PSME3IP1: variants seen among roughly 807,000 people sequenced by gnomAD.
PSME3IP1 encodes the protein proteasome activator subunit 3 interacting protein 1.
In PSME3IP1, 13 loss-of-function variants were observed where a neutral mutation model predicts 34.1. The observed-to-expected ratio is 0.38, with a 90% CI of 0.25 to 0.61. The LOEUF (loss-of-function observed/expected upper bound fraction) is 0.61. Ranked by LOEUF, PSME3IP1 falls within the 20% of genes least tolerant of loss-of-function variation. The probability of loss-of-function intolerance (pLI) is 0.60; values close to 1 mark genes in which losing one functional copy is unlikely to be tolerated. For synonymous variants in PSME3IP1, 93 were observed against 114.3 expected (o/e 0.81, Z 1.19); for missense variants, 237 against 301.4 (o/e 0.79, Z 1.58).
intron 1 of PSME3IP1, 29 bp from the exon 2 acceptor site, chr16:57,173,898 ATCATT>A: frequency 6.2e-7 from 1 of 1,601,134 alleles, no homozygotes; most frequent in Non-Finnish European, 8.5e-7. Context: ...AACAAAAAAA[ATCATT>A]TCAAGTGAGA....
intron 6 of PSME3IP1, among the ~76,000 whole-genome samples, chr16:57,156,297 T>G (rs547426457): frequency 6.6e-6 from 1 of 152,326 alleles, no homozygotes; most frequent in South Asian, 2.1e-4. Context: ...AGTTCATACT[T>G]TGTTGCCACA....
At chr16:57,180,949 G>A (rs1157339216) in intron 1 of PSME3IP1, among the ~76,000 whole-genome samples, 1 of 152,038 alleles carries the variant, frequency 6.6e-6, no homozygotes, top group Non-Finnish European at 1.5e-5. Flanking sequence ...GCTGAAGTGG[G>A]AGGAAGGCTT....
At chr16:57,180,734 A>C (rs1424102704) in intron 1 of PSME3IP1, among the ~76,000 whole-genome samples, 1 of 152,064 alleles carries the variant, frequency 6.6e-6, no homozygotes, top group Non-Finnish European at 1.5e-5. Flanking sequence ...TGAGACCCCA[A>C]CTCTATTAAA....
chr16:57,170,991 T>C (rs1320476684), intron 4 of PSME3IP1, among the ~76,000 whole-genome samples: 1 of 152,044 alleles, frequency 6.6e-6, no homozygotes, highest in Non-Finnish European at 1.5e-5. Context: ...GAGAATCGCT[T>C]GAACCCGGGA....
At chr16:57,162,525 C>T (rs1228007536) in intron 6 of PSME3IP1, among the ~76,000 whole-genome samples, 4 of 151,110 alleles carry the variant, frequency 2.6e-5, no homozygotes, top group Non-Finnish European at 5.9e-5. Flanking sequence ...ATTAGCTGGG[C>T]GTGGTGGCAC....
At chr16:57,182,612 A>ATTTTTTT (rs550199855) in intron 1 of PSME3IP1, among the ~76,000 whole-genome samples, 1 of 105,258 alleles carries the variant, frequency 9.5e-6, no homozygotes, top group African/African-American at 3.7e-5. Flanking sequence ...GCCAACTAAG[A>ATTTTTTT]TTTTTTTTTT....
chr16:57,154,576 G>A lies in PSME3IP1; in HGVS notation c.548-69C>T. On this transcript the variant is annotated intron_variant, in intron 6 of 6. Coordinates refer to ENST00000309137, the MANE Select transcript of PSME3IP1 (RefSeq NM_024946.4). The surrounding 1 kb of genome is among the most constrained non-coding windows in gnomAD (Gnocchi z 4.0). Reference sequence around the variant, plus strand: ...AAAGTTGGGGACTGACTTACCATGTGCCAGGCACTGTACCAAGGGATTTTC... The same window carrying A: ...AAAGTTGGGGACTGACTTACCATGTACCAGGCACTGTACCAAGGGATTTTC... 2.2e-6 allele frequency: 3 copies of A among 1,336,912 alleles called. No individual in the cohort carries two copies. Among genetic ancestry groups the A allele is most frequent in the Non-Finnish European group, 3.1e-6 (3 of 977,732 alleles). The allele number at this position is 1,336,912 out of a possible 1,614,324, so 82.8% of individuals were successfully genotyped here. A position where few individuals can be genotyped will look rare whatever the true frequency, so the allele number is the denominator to read the frequency against.
At chr16:57,179,037 G>A (rs1216495999) in intron 1 of PSME3IP1, among the ~76,000 whole-genome samples, 1 of 152,186 alleles carries the variant, frequency 6.6e-6, no homozygotes, top group African/African-American at 2.4e-5. Flanking sequence ...ACAGCCCAGG[G>A]ATATCAGGGA....
intron 1 of PSME3IP1, chr16:57,178,538 C>G (rs2073407581): frequency 1.0e-6 from 1 of 985,210 alleles, no homozygotes; most frequent in Non-Finnish European, 1.2e-6. Flanking sequence ...AGAATCTGAG[C>G]AGGGAGGAAT....
Position 57,185,862 on chromosome 16 carries a change from G to C in PSME3IP1, c.-57C>G, listed in dbSNP as rs2074135176. Reference sequence around the variant, plus strand: ...GGCGAGACGACCTCACCTCGGCGGCGCCCACCCCAAACCGCCACCGCAGAG... The same window carrying C: ...GGCGAGACGACCTCACCTCGGCGGCCCCCACCCCAAACCGCCACCGCAGAG... On this transcript the variant is annotated 5_prime_UTR_variant, in exon 1 of 7. Transcript: ENST00000309137. 3.1e-6 allele frequency: 3 copies of C among 983,542 alleles called. No homozygotes were observed. Among genetic ancestry groups the C allele is most frequent in the Non-Finnish European group, 3.6e-6 (3 of 829,760 alleles). The allele number at this position is 983,542 out of a possible 1,614,324, so 60.9% of individuals were successfully genotyped here.
intron 4 of PSME3IP1, among the ~76,000 whole-genome samples, chr16:57,170,225 G>A (rs1242024949): frequency 2.6e-5 from 4 of 152,068 alleles, no homozygotes; most frequent in Non-Finnish European, 5.9e-5. Flanking sequence ...TGGGACTACA[G>A]GCACAAGCCA....
chr16:57,180,677 C>T (rs1341647199), intron 1 of PSME3IP1, among the ~76,000 whole-genome samples: 2 of 151,772 alleles, frequency 1.3e-5, no homozygotes, highest in Admixed American at 6.6e-5. Flanking sequence ...GAGGCCAAGG[C>T]AGGATTGTTT....
At chr16:57,177,962 C>G (rs1293708670) in intron 1 of PSME3IP1, among the ~76,000 whole-genome samples, 5 of 152,150 alleles carry the variant, frequency 3.3e-5, no homozygotes, top group African/African-American at 9.7e-5. Flanking sequence ...GCGCTCTAGC[C>G]TGGGCAACAG....
chr16:57,175,238 C>T (rs1333536021), intron 1 of PSME3IP1, among the ~76,000 whole-genome samples: 1 of 152,180 alleles, frequency 6.6e-6, no homozygotes, highest in Non-Finnish European at 1.5e-5. Context: ...TTGTCTCGAA[C>T]TCCTGAACTC....
intron 1 of PSME3IP1, chr16:57,178,856 CA>C (rs1271037254): frequency 1.0e-6 from 1 of 972,536 alleles, no homozygotes; most frequent in African/African-American, 1.8e-5. Flanking sequence ...GTTTATTCTG[CA>C]AGAAAGAGGT....
intron 6 of PSME3IP1, among the ~76,000 whole-genome samples, chr16:57,160,163 G>A (rs1043022821): frequency 1.3e-5 from 2 of 152,084 alleles, no homozygotes; most frequent in South Asian, 2.1e-4. Context: ...GGTGGCGGGC[G>A]CCTGTAGTCC....
chr16:57,185,166 G>A (rs1453071472), intron 1 of PSME3IP1, among the ~76,000 whole-genome samples: 1 of 152,156 alleles, frequency 6.6e-6, no homozygotes, highest in Non-Finnish European at 1.5e-5. Flanking sequence ...CTGAGAAACT[G>A]CATTTTAAAA....
At chr16:57,176,309 T>A (rs1211922934) in intron 1 of PSME3IP1, among the ~76,000 whole-genome samples, 5 of 152,236 alleles carry the variant, frequency 3.3e-5, no homozygotes, top group Admixed American at 2.6e-4. Flanking sequence ...GTATTAATCA[T>A]CTGGTTTCTT....
At chr16:57,175,673 A>G (rs2073106561) in intron 1 of PSME3IP1, 1 of 152,178 alleles carries the variant, frequency 6.6e-6, no homozygotes, top group Non-Finnish European at 1.5e-5. Context: ...CAGGTGGTGA[A>G]TGGTAGAGCT....
Sources: allele counts gnomAD v4.1 joint callset (sites outside exome capture counted in the v4.1 genomes callset), GRCh38; gene constraint gnomAD v4.1.1; non-coding constraint Gnocchi (gnomAD v3.1); transcripts MANE v1.5; gene names NCBI Gene and HGNC (gene_info 2026-07-23, HGNC 2026-07-21).